The following GABRA5 variants were observed in gnomAD, a reference collection of about 807,000 sequenced individuals.
GABRA5 encodes the protein gamma-aminobutyric acid receptor subunit alpha-5.
Under a neutral mutation model 47.3 loss-of-function variants are expected in GABRA5, and 18 were observed. The ratio of observed to expected loss-of-function variants is 0.38; its 90% CI spans 0.26 to 0.56. The LOEUF (loss-of-function observed/expected upper bound fraction) is 0.56. Among genes scored for constraint, GABRA5 ranks in the 20% least tolerant of loss-of-function variants. The pLI is 0.71. For missense variants in GABRA5, 365 were observed against 599.3 expected (o/e 0.61, Z 4.08); for synonymous variants, 237 against 229.3 (o/e 1.03, Z -0.30).
intron 7 of GABRA5, among the ~76,000 whole-genome samples, chr15:26,934,666 C>T (rs537282181): frequency 8.5e-5 from 13 of 152,218 alleles, no homozygotes; most frequent in Admixed American, 3.3e-4. Context: ...GTTTTTTCCC[C>T]GATCTACAGA....
intron 7 of GABRA5, among the ~76,000 whole-genome samples, chr15:26,921,616 T>C (rs1350548333): frequency 1.3e-5 from 2 of 152,158 alleles, no homozygotes; most frequent in Admixed American, 6.5e-5. Flanking sequence ...CATCTTTTTA[T>C]TTTCTTTCTT....
At chr15:26,932,587 C>T (rs1894134362) in intron 7 of GABRA5, among the ~76,000 whole-genome samples, 3 of 152,122 alleles carry the variant, frequency 2.0e-5, no homozygotes, top group South Asian at 4.1e-4. Context: ...ACCAGAAATA[C>T]CATTTGACCT....
In GABRA5 at chr15:26,948,308, G is replaced by C. The variant is rs370140128; in HGVS notation, c.*75G>C. The C allele has an allele frequency of 1.4e-5, 20 of 1,403,184 alleles. No individual in the cohort carries two copies. In the South Asian group the frequency reaches 2.5e-4, roughly 18 times the overall value. The allele number at this position is 1,403,184 out of a possible 1,614,324, so 86.9% of individuals were successfully genotyped here. A position where few individuals can be genotyped will look rare whatever the true frequency, so the allele number is the denominator to read the frequency against. On this transcript the variant is annotated 3_prime_UTR_variant, in exon 11 of 11. Transcript: ENST00000335625. ...ACCAAGGAGAGGTCTTGCTCACAGG[G>C]ACTCTCCATATGTGAGCACTATCTT...
Position 26,948,803 on chromosome 15 carries a change from T to C in GABRA5, c.*570T>C, listed in dbSNP as rs1894577617. On this transcript the variant is annotated 3_prime_UTR_variant, in exon 11 of 11. Coordinates refer to ENST00000335625, the MANE Select transcript of GABRA5 (RefSeq NM_000810.4). ...CGAAGAAATAGAATAGGCAAACTTT[T>C]ATGCAGGCAGATTAATAACAGAAAT... The C allele has an allele frequency of 6.6e-6, 1 of 152,518 alleles. No individual in the cohort carries two copies. Among genetic ancestry groups the C allele is most frequent in the African/African-American group, 2.4e-5 (1 of 41,460 alleles). 9.4% of individuals were successfully genotyped at this position (152,518 alleles called of 1,614,324 possible). A position where few individuals can be genotyped will look rare whatever the true frequency, so the allele number is the denominator to read the frequency against.
chr15:26,884,062 A>G (rs190428841), intron 6 of GABRA5, among the ~76,000 whole-genome samples: 193 of 152,024 alleles, frequency 1.3e-3, no homozygotes, highest in African/African-American at 4.3e-3. Flanking sequence ...GGAGGCATGC[A>G]CCTGTGGTCC....
At chr15:26,868,486 T>C (rs767671766) in intron 1 of GABRA5, among the ~76,000 whole-genome samples, 5 of 152,230 alleles carry the variant, frequency 3.3e-5, no homozygotes, top group African/African-American at 9.6e-5. Context: ...ATGCGTGTTT[T>C]CAGGAAGGTT....
chr15:26,883,222 G>C lies in GABRA5; in HGVS notation c.265G>C (p.Asp89His). The C allele has an allele frequency of 6.2e-7, 1 of 1,613,838 alleles. No homozygotes were observed. Among genetic ancestry groups the C allele is most frequent in the Non-Finnish European group, 8.5e-7 (1 of 1,179,790 alleles). The change falls in exon 5 of 11, where the codon GAC (aspartate) becomes CAC (histidine). Residue 89 changes from aspartate (D) to histidine (H), a missense_variant. By Grantham distance (81) the Asp-to-His change is moderately conservative. Transcript: ENST00000335625. This position sits in a 1 kb window ranked among gnomAD's most constrained non-coding sequence, Gnocchi z 4.8. ...CGTCACCAGCTTCGGCCCGGTGTCC[G>C]ACACGGAAATGGTAGGTCCCGGGGC... is the stretch of plus-strand genomic sequence containing the variant. Reference protein sequence around the residue: ...IYVTSFGPVSDTEMEYTIDVF... With the variant: ...IYVTSFGPVSHTEMEYTIDVF...
At chr15:26,874,789 T>C (rs1259613718) in intron 3 of GABRA5, among the ~76,000 whole-genome samples, 2 of 152,136 alleles carry the variant, frequency 1.3e-5, no homozygotes, top group Non-Finnish European at 2.9e-5. Flanking sequence ...TAAAAAAAAG[T>C]CAACCTAAAA....
At chr15:26,939,836 G>A in intron 8 of GABRA5, 89 bp from the exon 9 acceptor site, 2 of 1,314,024 alleles carry the variant, frequency 1.5e-6, no homozygotes, top group Non-Finnish European at 2.2e-6. Flanking sequence ...AACCGACAGG[G>A]GAGTGGAAGG....
chr15:26,931,405 C>T (rs940237064), intron 7 of GABRA5, among the ~76,000 whole-genome samples: 1 of 152,102 alleles, frequency 6.6e-6, no homozygotes. Context: ...GTGGTAGGAG[C>T]GAGGGGTCTC....
At chr15:26,940,133 C>T (rs1894350850) in intron 9 of GABRA5, 56 bp downstream of exon 9, 1 of 1,508,488 alleles carries the variant, frequency 6.6e-7, no homozygotes, top group Non-Finnish European at 9.0e-7. Flanking sequence ...ACCCTAACCA[C>T]CCGGAAGCAA....
intron 6 of GABRA5, among the ~76,000 whole-genome samples, chr15:26,892,744 A>G (rs1893038974): frequency 6.6e-6 from 1 of 152,248 alleles, no homozygotes. Context: ...TTCCGTTAGC[A>G]TTCACATGGA....
At chr15:26,924,322 C>A (rs1355575658) in intron 7 of GABRA5, among the ~76,000 whole-genome samples, 1 of 151,978 alleles carries the variant, frequency 6.6e-6, no homozygotes, top group African/African-American at 2.4e-5. Flanking sequence ...CAGATCCATG[C>A]TAGGCCTCTA....
At chr15:26,930,568 C>G (rs1451474657) in intron 7 of GABRA5, among the ~76,000 whole-genome samples, 1 of 152,146 alleles carries the variant, frequency 6.6e-6, no homozygotes, top group Non-Finnish European at 1.5e-5. Context: ...CATTTTTTGT[C>G]TGAGACCTCA....
intron 7 of GABRA5, among the ~76,000 whole-genome samples, chr15:26,929,678 C>G (rs1221134058): frequency 1.3e-5 from 2 of 152,218 alleles, no homozygotes; most frequent in African/African-American, 4.8e-5. Context: ...CCCCCAGAAC[C>G]CCTGCTGGGG....
intron 6 of GABRA5, among the ~76,000 whole-genome samples, chr15:26,899,584 T>C (rs1893278160): frequency 6.6e-6 from 1 of 152,236 alleles, no homozygotes; most frequent in Non-Finnish European, 1.5e-5. Flanking sequence ...GTTTGTTAGT[T>C]TGGTCTGATA....
At chr15:26,873,611 G>T (rs1892521959) in intron 3 of GABRA5, among the ~76,000 whole-genome samples, 1 of 152,158 alleles carries the variant, frequency 6.6e-6, no homozygotes, top group African/African-American at 2.4e-5. Flanking sequence ...CTCAAGGACA[G>T]TTCCCTTCTT....
intron 6 of GABRA5, among the ~76,000 whole-genome samples, chr15:26,886,749 G>A (rs1054475284): frequency 6.6e-6 from 1 of 152,198 alleles, no homozygotes; most frequent in Non-Finnish European, 1.5e-5. Context: ...GAACCAGAGC[G>A]ACTTGCCAGT....
intron 7 of GABRA5, among the ~76,000 whole-genome samples, chr15:26,924,716 G>T (rs1029612763): frequency 6.6e-6 from 1 of 152,104 alleles, no homozygotes; most frequent in South Asian, 2.1e-4. Context: ...CACGTTTTTT[G>T]GGGGGATGCT....
Sources: allele counts gnomAD v4.1 joint callset (sites outside exome capture counted in the v4.1 genomes callset), GRCh38; gene constraint gnomAD v4.1.1; non-coding constraint Gnocchi (gnomAD v3.1); transcripts MANE v1.5; gene names NCBI Gene and HGNC (gene_info 2026-07-23, HGNC 2026-07-21).